Variants in COL25A1 observed in about 807,000 individuals in gnomAD.
The protein encoded by COL25A1 is collagen type XXV alpha 1 chain.
COL25A1 carries 103 observed loss-of-function variants against 128.4 expected under a neutral mutation model. That is an observed-to-expected ratio of 0.80 (90% CI 0.68 to 0.94). The LOEUF (loss-of-function observed/expected upper bound fraction) is 0.94, where lower values mean the gene tolerates loss of function less well. COL25A1 is among the 40% of genes least tolerant of loss of function. The pLI is 0.00. For missense variants in COL25A1, 745 were observed against 840.0 expected (o/e 0.89, Z 1.40); for synonymous variants, 279 against 277.2 (o/e 1.01, Z -0.06).
intron 5 of COL25A1, among the ~76,000 whole-genome samples, chr4:109,041,364 C>A (rs984599012): frequency 1.0e-4 from 13 of 127,236 alleles, no homozygotes; most frequent in African/African-American, 4.1e-4. Flanking sequence ...TTATGTCACC[C>A]CCTTTTTTAA....
intron 20 of COL25A1, among the ~76,000 whole-genome samples, chr4:108,868,418 T>C (rs1738203612): frequency 6.6e-6 from 1 of 151,288 alleles, no homozygotes; most frequent in Non-Finnish European, 1.5e-5. Flanking sequence ...TACCAAGTTG[T>C]CCCACATTTC....
In COL25A1 at chr4:108,844,400, T is replaced by A; in HGVS notation, c.1629+119A>T. ...ATCTCAAAGCACCTGGTATTTTCCA[T>A]CCATTCCACAGAGAGTAGTACAAAA... On this transcript the variant is annotated intron_variant, in intron 30 of 37. Transcript: ENST00000399132. 5 of 1,539,112 alleles carry A rather than the reference T, an allele frequency of 3.2e-6. No homozygotes were observed. In the South Asian group the frequency reaches 4.6e-5, roughly 14 times the overall value.
At chr4:108,910,439 G>GTTATATGTATTACTTT (rs1744070644) in intron 13 of COL25A1, among the ~76,000 whole-genome samples, 1 of 152,180 alleles carries the variant, frequency 6.6e-6, no homozygotes, top group African/African-American at 2.4e-5. Context: ...TTAACAGACA[G>GTTATATGTATTACTTT]TTATATGTAT....
intron 3 of COL25A1, among the ~76,000 whole-genome samples, chr4:109,178,551 A>G (rs1774311497): frequency 6.6e-6 from 1 of 152,076 alleles, no homozygotes; most frequent in South Asian, 2.1e-4. Flanking sequence ...TCAGCCAGGC[A>G]CGGTGGCTCA....
At chr4:108,972,272 T>C (rs1397796149) in intron 8 of COL25A1, among the ~76,000 whole-genome samples, 1 of 152,130 alleles carries the variant, frequency 6.6e-6, no homozygotes, top group Non-Finnish European at 1.5e-5. Context: ...ATACAAACTC[T>C]ACATTTAAAA....
intron 3 of COL25A1, among the ~76,000 whole-genome samples, chr4:109,084,940 A>G (rs919073188): frequency 6.6e-6 from 1 of 152,160 alleles, no homozygotes; most frequent in Non-Finnish European, 1.5e-5. Context: ...TATCCCTACA[A>G]TTCCAACAGA....
chr4:109,231,081 G>C (rs919909987), intron 3 of COL25A1, among the ~76,000 whole-genome samples: 1 of 152,102 alleles, frequency 6.6e-6, no homozygotes, highest in Non-Finnish European at 1.5e-5. Flanking sequence ...AGAAGTTGCA[G>C]TGAACCGAGA....
intron 11 of COL25A1, among the ~76,000 whole-genome samples, chr4:108,927,016 A>G (rs1746143075): frequency 6.6e-6 from 1 of 152,132 alleles, no homozygotes; most frequent in Non-Finnish European, 1.5e-5. Flanking sequence ...AGAGCAAGAC[A>G]GTGCTGAGAA....
intron 3 of COL25A1, among the ~76,000 whole-genome samples, chr4:109,083,729 T>G (rs1764095589): frequency 6.6e-6 from 1 of 152,018 alleles, no homozygotes; most frequent in Non-Finnish European, 1.5e-5. Flanking sequence ...ATCCCAAAAG[T>G]GCTGGGATTA....
At chr4:108,993,113 C>T (rs1489204680) in intron 6 of COL25A1, among the ~76,000 whole-genome samples, 3 of 152,068 alleles carry the variant, frequency 2.0e-5, no homozygotes, top group Non-Finnish European at 4.4e-5. Context: ...CCATGTTGTA[C>T]CATAGATTTC....
At chr4:109,299,466 T>C (rs2126292361) in intron 3 of COL25A1, among the ~76,000 whole-genome samples, 1 of 152,270 alleles carries the variant, frequency 6.6e-6, no homozygotes, top group South Asian at 2.1e-4. Flanking sequence ...AGAATATAAA[T>C]AGTAAAATTT....
chr4:109,228,201 T>C (rs1430346343), intron 3 of COL25A1, among the ~76,000 whole-genome samples: 2 of 152,128 alleles, frequency 1.3e-5, no homozygotes, highest in Non-Finnish European at 2.9e-5. Flanking sequence ...CTCACACTAA[T>C]TTCCTCTGGA....
chr4:109,276,771 T>G (rs1399468096), intron 3 of COL25A1, among the ~76,000 whole-genome samples: 1 of 152,266 alleles, frequency 6.6e-6, no homozygotes, highest in East Asian at 1.9e-4. Context: ...AAGAAAGCCA[T>G]TTTTAAACAA....
chr4:109,074,739 A>G (rs1763249171), intron 3 of COL25A1, among the ~76,000 whole-genome samples: 1 of 152,222 alleles, frequency 6.6e-6, no homozygotes, highest in Admixed American at 6.5e-5. Context: ...CCATTTAGGC[A>G]TTCAATGGAA....
intron 3 of COL25A1, among the ~76,000 whole-genome samples, chr4:109,081,864 C>T (rs1473297169): frequency 1.3e-5 from 2 of 151,932 alleles, no homozygotes; most frequent in Non-Finnish European, 2.9e-5. Context: ...CCACCACGCC[C>T]GGCTAATTTT....
At chr4:109,270,252 T>C (rs1782102032) in intron 3 of COL25A1, among the ~76,000 whole-genome samples, 1 of 152,112 alleles carries the variant, frequency 6.6e-6, no homozygotes, top group Non-Finnish European at 1.5e-5. Flanking sequence ...ATAAAGGGTA[T>C]TCAATTAGGA....
Position 108,901,158 on chromosome 4 carries a change from C to T in COL25A1, c.795G>A (p.Leu265=). 1 of 1,612,186 alleles carries T rather than the reference C, an allele frequency of 6.2e-7. No individual in the cohort carries two copies. The highest frequency in any genetic ancestry group is 1.7e-5 in the Admixed American group (1 of 59,956). The stretch of plus-strand genomic sequence containing the variant: ...TTCCATTCTGTCCTACTGCTCCAGG[C>T]AACCCGGGCTCACCCTCAAAATAGA... ...GMNGQKGEPG[L]PGAVGQNGIP... The change falls in exon 14 of 38, where the codon TTG becomes TTA. Residue 265 remains leucine (L), a synonymous_variant. Coordinates refer to ENST00000399132, the MANE Select transcript of COL25A1 (RefSeq NM_198721.4).
At chr4:109,030,651 T>C (rs1758759984) in intron 5 of COL25A1, among the ~76,000 whole-genome samples, 2 of 152,232 alleles carry the variant, frequency 1.3e-5, no homozygotes, top group African/African-American at 4.8e-5. Context: ...GTCAAAGGCC[T>C]GTGCAGTCAT....
At chr4:109,263,053 T>G (rs1781552996) in intron 3 of COL25A1, among the ~76,000 whole-genome samples, 1 of 152,084 alleles carries the variant, frequency 6.6e-6, no homozygotes. Flanking sequence ...CACTTGAACC[T>G]GGGAAACTGA....
Sources: gnomAD v4.1 joint callset for allele counts (sites outside exome capture counted in the v4.1 genomes callset) on GRCh38, gnomAD v4.1.1 for gene constraint, MANE v1.5 for transcripts, NCBI Gene and HGNC (gene_info 2026-07-23, HGNC 2026-07-21) for gene names.